The following SASH1 variants were observed in gnomAD, a reference collection of about 807,000 sequenced individuals.
SASH1 encodes the protein SAM and SH3 domain-containing protein 1.
Under a neutral mutation model 125.2 loss-of-function variants are expected in SASH1, and 44 were observed. That is an observed-to-expected ratio of 0.35 (90% CI 0.28 to 0.45). The LOEUF (loss-of-function observed/expected upper bound fraction) is 0.45. Ranked by LOEUF, SASH1 falls within the 20% of genes least tolerant of loss-of-function variation. The pLI, the probability that SASH1 is intolerant of heterozygous loss-of-function variation, is 1.00. For synonymous variants in SASH1, 639 were observed against 649.1 expected (o/e 0.98, Z 0.24); for missense variants, 1,426 against 1,614.5 (o/e 0.88, Z 2.00).
In SASH1 at chr6:148,493,278, C is replaced by G. The variant is rs947482798; in HGVS notation, c.729+5563C>G. On this transcript the variant is annotated intron_variant, in intron 8 of 19. Coordinates refer to ENST00000367467, the MANE Select transcript of SASH1 (RefSeq NM_015278.5). ...TCCTAAGGTATATATATGACCCTTG[C>G]CCCTCTTACTCTGGCTTTAGCCTGT... Among the ~76,000 whole-genome samples, 28 of 152,172 alleles carry G rather than the reference C, an allele frequency of 1.8e-4. 1 individual carries two copies. Among genetic ancestry groups the G allele is most frequent in the Admixed American group, 1.6e-3 (24 of 15,284 alleles).
intron 2 of SASH1, among the ~76,000 whole-genome samples, chr6:148,419,577 G>A (rs1028577145): frequency 7.2e-5 from 11 of 152,086 alleles, no homozygotes; most frequent in East Asian, 3.8e-4. Context: ...GATGCCGTCC[G>A]CCCTCCTGTC....
intron 10 of SASH1, among the ~76,000 whole-genome samples, chr6:148,521,918 C>T (rs1313809718): frequency 1.3e-5 from 2 of 152,174 alleles, no homozygotes; most frequent in African/African-American, 4.8e-5. Flanking sequence ...AATCTGAGCA[C>T]CTTGAATTGT....
intron 1 of SASH1, among the ~76,000 whole-genome samples, chr6:148,347,460 T>A (rs1370235081): frequency 1.3e-5 from 2 of 152,182 alleles, no homozygotes; most frequent in Non-Finnish European, 2.9e-5. Flanking sequence ...ATTCATCCTA[T>A]CTTACTATTT....
intron 7 of SASH1, chr6:148,479,742 G>C (rs1010674373): frequency 6.5e-6 from 1 of 153,148 alleles, no homozygotes; most frequent in Non-Finnish European, 1.5e-5. Context: ...CCTCTGCGTG[G>C]TTGCAGAAGC....
chr6:148,520,986 A>G (rs1780771317), intron 10 of SASH1, among the ~76,000 whole-genome samples: 1 of 152,198 alleles, frequency 6.6e-6, no homozygotes, highest in South Asian at 2.1e-4. Flanking sequence ...ACAAATCAAC[A>G]TTTGGAAATG....
intron 2 of SASH1, among the ~76,000 whole-genome samples, chr6:148,426,443 A>G (rs1219915693): frequency 1.3e-5 from 2 of 152,046 alleles, no homozygotes; most frequent in South Asian, 2.1e-4. Flanking sequence ...GATCCTGAGT[A>G]TTTGATACCA....
the SASH1 span, among the ~76,000 whole-genome samples, chr6:148,225,526 G>C: frequency 6.6e-6 from 1 of 152,084 alleles, no homozygotes; most frequent in Non-Finnish European, 1.5e-5. Context: ...AAGCTATGAG[G>C]ATGCAAAGGC....
intron 8 of SASH1, among the ~76,000 whole-genome samples, chr6:148,488,751 T>A (rs971287712): frequency 6.6e-6 from 1 of 152,242 alleles, no homozygotes; most frequent in Non-Finnish European, 1.5e-5. Flanking sequence ...ATCTTTCACA[T>A]GTTCATTGGC....
At chr6:148,542,450 G>A (rs567089685) in intron 17 of SASH1, among the ~76,000 whole-genome samples, 8 of 152,146 alleles carry the variant, frequency 5.3e-5, no homozygotes, top group Middle Eastern at 3.4e-3. Flanking sequence ...GCAGTGGCGC[G>A]ATCTTGGCTC....
chr6:148,225,935 TAAC>T, the SASH1 span, among the ~76,000 whole-genome samples: 2 of 152,236 alleles, frequency 1.3e-5, no homozygotes, highest in Non-Finnish European at 2.9e-5. Context: ...AGCTGTTTTC[TAAC>T]AACAATAGTT....
At chr6:148,369,113 C>T (rs887719268) in intron 1 of SASH1, among the ~76,000 whole-genome samples, 2 of 152,120 alleles carry the variant, frequency 1.3e-5, no homozygotes, top group African/African-American at 4.8e-5. Context: ...GGGGAGAGTA[C>T]CTGGATGTGC....
chr6:148,482,688 A>ATTT lies in SASH1; in HGVS notation c.628-4910_628-4908dup, dbSNP rs200708826. ...AGGCATGTGCCACCACACCTGGCTA[A>ATTT]TTTTTTTTTTTTTTTTTTGAGAGAG... On this transcript the variant is annotated intron_variant, in intron 7 of 19. Coordinates refer to ENST00000367467, the MANE Select transcript of SASH1 (RefSeq NM_015278.5). 1.6e-3 allele frequency among the ~76,000 whole-genome samples: 156 copies of ATTT among 99,918 alleles called. 5 individuals carry two copies. The highest frequency in any genetic ancestry group is 4.6e-3 in the South Asian group (15 of 3,236). The allele number at this position is 99,918 out of a possible 152,430, so 65.6% of individuals were successfully genotyped here.
chr6:148,540,579 G>T, intron 17 of SASH1, 23 bp downstream of exon 17: 1 of 1,569,952 alleles, frequency 6.4e-7, no homozygotes, highest in Non-Finnish European at 8.8e-7. Context: ...TGAGTCGCTG[G>T]GAACCTGCTT....
the SASH1 span, among the ~76,000 whole-genome samples, chr6:148,246,991 A>T: frequency 1.3e-5 from 2 of 152,204 alleles, no homozygotes. Context: ...ACAAATAAAC[A>T]GTTCCAATAA....
the SASH1 span, among the ~76,000 whole-genome samples, chr6:148,194,289 A>G: frequency 6.6e-6 from 1 of 152,150 alleles, no homozygotes; most frequent in African/African-American, 2.4e-5. Flanking sequence ...AACAACCCAT[A>G]GTCTGGCTAC....
chr6:148,325,255 G>C, intron 1 of SASH1, among the ~76,000 whole-genome samples: 1 of 104,122 alleles, frequency 9.6e-6, no homozygotes, highest in Admixed American at 1.0e-4. Context: ...TAGGGGAAAA[G>C]CCTCTTTTGT....
upstream of SASH1, among the ~76,000 whole-genome samples, chr6:148,339,230 G>A (rs1781254899): frequency 6.6e-6 from 1 of 151,934 alleles, no homozygotes; most frequent in South Asian, 2.1e-4. Flanking sequence ...TTCTAGTAGA[G>A]ACGAGGTTTC....
At position 148,544,308 on chromosome 6, in the gene SASH1, G is replaced by C; in HGVS notation, c.2838G>C (p.Thr946=). ...GAGCTAAACACGGTTTAGCAAGGAC[G>C]CCTCTGGAGGGCCACAGAAAAGGAC... is the stretch of plus-strand genomic sequence containing the variant. ...PPGAKHGLAR[T]PLEGHRKGHE... The change falls in exon 18 of 20, where the codon ACG becomes ACC. Residue 946 remains threonine, a synonymous_variant. Transcript: ENST00000367467. This position sits in a 1 kb window ranked among gnomAD's most constrained non-coding sequence, Gnocchi z 6.4. The C allele has an allele frequency of 6.2e-7, 1 of 1,614,170 alleles. No individual in the cohort carries two copies. The highest frequency in any genetic ancestry group is 8.5e-7 in the Non-Finnish European group (1 of 1,180,032).
chr6:148,451,502 A>G (rs1777100102), intron 4 of SASH1, among the ~76,000 whole-genome samples: 1 of 152,150 alleles, frequency 6.6e-6, no homozygotes, highest in South Asian at 2.1e-4. Flanking sequence ...TTCCTCTTCT[A>G]AAATAGAAAC....
Sources: allele counts gnomAD v4.1 joint callset (sites outside exome capture counted in the v4.1 genomes callset), GRCh38; gene constraint gnomAD v4.1.1; non-coding constraint Gnocchi (gnomAD v3.1); transcripts MANE v1.5; gene names NCBI Gene and HGNC (gene_info 2026-07-23, HGNC 2026-07-21).